The following ZMYM2 variants were observed in gnomAD, a reference collection of about 807,000 sequenced individuals.
ZMYM2 encodes the protein zinc finger MYM-type protein 2.
In ZMYM2, 56 loss-of-function variants were observed where a neutral mutation model predicts 162.8. The observed-to-expected ratio is 0.34, with a 90% confidence interval of 0.28 to 0.43. The LOEUF (loss-of-function observed/expected upper bound fraction) is 0.43. Among genes scored for constraint, ZMYM2 ranks in the 20% least tolerant of loss-of-function variants. The pLI is 1.00. For synonymous variants in ZMYM2, 510 were observed against 541.6 expected (o/e 0.94, Z 0.81); for missense variants, 1,275 against 1,621.8 (o/e 0.79, Z 3.67).
At chr13:20,008,057 A>G (rs549360690) in intron 6 of ZMYM2, among the ~76,000 whole-genome samples, 24 of 149,780 alleles carry the variant, frequency 1.6e-4, no homozygotes, top group African/African-American at 6.1e-4. Flanking sequence ...TCAGAAAGTA[A>G]TTAATTATAG....
intron 20 of ZMYM2, 64 bp from the exon 21 acceptor site, chr13:20,067,175 A>C: frequency 3.5e-6 from 5 of 1,437,748 alleles, no homozygotes; most frequent in Non-Finnish European, 4.6e-6. Context: ...TAACGTCAGA[A>C]AGTTTCTTAA....
Position 20,051,577 on chromosome 13 carries a change from G to C in ZMYM2, c.2437G>C (p.Gly813Arg). The C allele has an allele frequency of 6.2e-7, 1 of 1,611,976 alleles. No individual in the cohort carries two copies. Among genetic ancestry groups the C allele is most frequent in the Non-Finnish European group, 8.5e-7 (1 of 1,178,996 alleles). Residue 813 changes from glycine (G) to arginine (R), a missense_variant, in exon 13 of 25, where the codon GGA (glycine) becomes CGA (arginine). Gly to Arg is a moderately radical substitution (Grantham distance 125). Coordinates refer to ENST00000610343, the MANE Select transcript of ZMYM2 (RefSeq NM_197968.4). ...TGAGCCCAACATGACAACTCAGAAA[G>C]GACCTGAAAACTTACATTATGGTAT... is the stretch of plus-strand genomic sequence containing the variant. ...QNEPNMTTQK[G>R]PENLHYDQGC...
chr13:19,871,145 G>C, the ZMYM2 span, among the ~76,000 whole-genome samples: 1 of 152,156 alleles, frequency 6.6e-6, no homozygotes, highest in Admixed American at 6.6e-5. Context: ...TAGACATTAT[G>C]CTTGCCTATT....
At chr13:19,944,730 C>T in the ZMYM2 span, among the ~76,000 whole-genome samples, 1 of 152,126 alleles carries the variant, frequency 6.6e-6, no homozygotes, top group Admixed American at 6.6e-5. Context: ...AGGGCAGTGG[C>T]GCGATCTCAG....
At chr13:20,028,054 C>T (rs1952744421) in intron 9 of ZMYM2, 2 of 178,556 alleles carry the variant, frequency 1.1e-5, no homozygotes, top group African/African-American at 4.7e-5. Context: ...AACAATTCTG[C>T]TTTATTCCAG....
Position 20,086,364 on chromosome 13 carries a change from C to T in ZMYM2, c.*350C>T, listed in dbSNP as rs1958268222. 1 of 232,248 alleles carries T rather than the reference C, an allele frequency of 4.3e-6. No individual in the cohort carries two copies. The highest frequency in any genetic ancestry group is 1.7e-4 in the South Asian group (1 of 5,920). The allele number at this position is 232,248 out of a possible 1,614,324, so 14.4% of individuals were successfully genotyped here. A position where few individuals can be genotyped will look rare whatever the true frequency, so the allele number is the denominator to read the frequency against. On this transcript the variant is annotated 3_prime_UTR_variant, in exon 25 of 25. Transcript: ENST00000610343. Reference sequence around the variant, plus strand: ...ATTGCACAACTCTACTGTTGCAAAGCTTCCTTGGAAGGGGGCTCTTTTACT... The same window carrying T: ...ATTGCACAACTCTACTGTTGCAAAGTTTCCTTGGAAGGGGGCTCTTTTACT...
chr13:19,919,502 A>G, the ZMYM2 span, among the ~76,000 whole-genome samples: 4 of 151,854 alleles, frequency 2.6e-5, no homozygotes, highest in African/African-American at 9.7e-5. Context: ...CCTTCTCACC[A>G]TCATAGGGTA....
intron 3 of ZMYM2, among the ~76,000 whole-genome samples, chr13:19,995,086 C>G (rs1407883311): frequency 6.6e-6 from 1 of 151,730 alleles, no homozygotes; most frequent in African/African-American, 2.4e-5. Flanking sequence ...CTCAAACATT[C>G]CTTCTGCCTT....
the ZMYM2 span, among the ~76,000 whole-genome samples, chr13:19,886,162 CTTTTTTTTTTT>C: frequency 1.0e-5 from 1 of 98,448 alleles, no homozygotes. Flanking sequence ...TTCTTTCTTT[CTTTTTTTTTTT>C]TTTTTTTTGA....
chr13:20,066,177 T>C (rs1441237565), intron 19 of ZMYM2, among the ~76,000 whole-genome samples: 1 of 152,234 alleles, frequency 6.6e-6, no homozygotes, highest in African/African-American at 2.4e-5. Flanking sequence ...TCTAATTTCA[T>C]GACACATTAA....
At chr13:19,902,119 G>A in the ZMYM2 span, among the ~76,000 whole-genome samples, 59 of 152,176 alleles carry the variant, frequency 3.9e-4, no homozygotes, top group Non-Finnish European at 5.6e-4. Flanking sequence ...TATGCTAAGC[G>A]AAAGAAGCCA....
the ZMYM2 span, among the ~76,000 whole-genome samples, chr13:19,934,420 A>G: frequency 1.3e-5 from 2 of 152,140 alleles, no homozygotes; most frequent in African/African-American, 2.4e-5. Context: ...GGCCTCCCAA[A>G]GTGCTGGGAT....
At chr13:19,967,860 A>G (rs1010834989) in intron 2 of ZMYM2, among the ~76,000 whole-genome samples, 1 of 152,230 alleles carries the variant, frequency 6.6e-6, no homozygotes, top group Non-Finnish European at 1.5e-5. Context: ...ATTTGCTGCC[A>G]CCACCTGGTA....
chr13:20,008,647 T>C (rs1950933858), intron 6 of ZMYM2, among the ~76,000 whole-genome samples: 1 of 152,218 alleles, frequency 6.6e-6, no homozygotes, highest in Non-Finnish European at 1.5e-5. Flanking sequence ...AGATAATTAT[T>C]TTTTCAAAAA....
the ZMYM2 span, among the ~76,000 whole-genome samples, chr13:19,866,704 T>G: frequency 1.3e-5 from 2 of 151,996 alleles, no homozygotes; most frequent in Non-Finnish European, 2.9e-5. Flanking sequence ...TCTTCCAGCC[T>G]AGGTAACATA....
intron 2 of ZMYM2, among the ~76,000 whole-genome samples, chr13:19,978,503 G>A (rs982738655): frequency 8.6e-5 from 13 of 151,830 alleles, no homozygotes; most frequent in African/African-American, 3.1e-4. Context: ...CACAACGTCC[G>A]CCTCCTGGGT....
the ZMYM2 span, among the ~76,000 whole-genome samples, chr13:19,947,160 A>C: frequency 1.3e-5 from 2 of 151,614 alleles, no homozygotes; most frequent in East Asian, 3.9e-4. Context: ...TCCTGCCTCC[A>C]CGCTATTCTC....
At position 20,006,382 on chromosome 13, in the gene ZMYM2, T is replaced by C. The variant is rs1257692089; in HGVS notation, c.1308T>C (p.His436=). 1.4e-5 allele frequency: 22 copies of C among 1,581,744 alleles called. No homozygotes were observed. The highest frequency in any genetic ancestry group is 1.9e-5 in the Non-Finnish European group (22 of 1,162,928). ...TICGKLTEIR[H]EVSFKNMTHK... ...GTTTATTTTTCTTTTAGATTCGCCA[T>C]GAAGTCAGCTTTAAAAATATGACTC... Residue 436 remains histidine, a synonymous_variant, in exon 6 of 25, where the codon CAT becomes CAC. Coordinates refer to ENST00000610343, the MANE Select transcript of ZMYM2 (RefSeq NM_197968.4).
At chr13:19,884,136 T>G in the ZMYM2 span, among the ~76,000 whole-genome samples, 1 of 152,194 alleles carries the variant, frequency 6.6e-6, no homozygotes, top group African/African-American at 2.4e-5. Flanking sequence ...CTTGGAAGGC[T>G]GAGGCAGGAT....
Sources: allele counts gnomAD v4.1 joint callset (sites outside exome capture counted in the v4.1 genomes callset), GRCh38; gene constraint gnomAD v4.1.1; transcripts MANE v1.5; gene names NCBI Gene and HGNC (gene_info 2026-07-23, HGNC 2026-07-21).